COL21A1: variants seen among roughly 807,000 people sequenced by gnomAD.
The protein encoded by COL21A1 is collagen alpha-1(XXI) chain.
A neutral mutation model predicts 137.9 loss-of-function variants in COL21A1; 149 were observed. That is an observed-to-expected ratio of 1.08 (90% CI 0.95 to 1.24). COL21A1 has a LOEUF of 1.24. COL21A1 is among the 50% of genes most tolerant of loss of function. The probability of loss-of-function intolerance (pLI) is 0.00; values close to 1 mark genes in which losing one functional copy is unlikely to be tolerated. For missense variants in COL21A1, 1,167 were observed against 1,158.4 expected (o/e 1.01, Z -0.11); for synonymous variants, 456 against 391.5 (o/e 1.16, Z -1.95).
At chr6:56,103,699 A>C (rs973669032) in intron 16 of COL21A1, among the ~76,000 whole-genome samples, 1 of 152,178 alleles carries the variant, frequency 6.6e-6, no homozygotes, top group African/African-American at 2.4e-5. Context: ...TGTTCTTCTT[A>C]CTTTATATTA....
chr6:56,385,286 C>G (rs201480449), intron 1 of COL21A1, among the ~76,000 whole-genome samples: 2 of 152,300 alleles, frequency 1.3e-5, no homozygotes, highest in East Asian at 3.9e-4. Flanking sequence ...TAAACAACAT[C>G]AACTTATCTC....
chr6:56,204,557 C>G (rs1343338539), intron 1 of COL21A1, among the ~76,000 whole-genome samples: 1 of 152,164 alleles, frequency 6.6e-6, no homozygotes, highest in Non-Finnish European at 1.5e-5. Context: ...GGTGCAGCTT[C>G]AACATACGTA....
intron 1 of COL21A1, among the ~76,000 whole-genome samples, chr6:56,260,239 G>A (rs1293844010): frequency 3.9e-5 from 6 of 152,018 alleles, no homozygotes; most frequent in Non-Finnish European, 7.4e-5. Flanking sequence ...GAAAGGCTTG[G>A]ATAAAAATAA....
chr6:56,273,260 T>C (rs982076847), intron 1 of COL21A1, among the ~76,000 whole-genome samples: 15 of 152,204 alleles, frequency 9.9e-5, no homozygotes, highest in African/African-American at 3.6e-4. Context: ...AACTTCATAG[T>C]GCTAAACACC....
intron 1 of COL21A1, among the ~76,000 whole-genome samples, chr6:56,329,121 T>C (rs1389781541): frequency 6.6e-6 from 1 of 152,192 alleles, no homozygotes; most frequent in Non-Finnish European, 1.5e-5. Flanking sequence ...ATTTACAAAT[T>C]GCTTTAAACG....
chr6:56,153,428 T>C (rs1335420295), intron 10 of COL21A1, among the ~76,000 whole-genome samples: 1 of 152,180 alleles, frequency 6.6e-6, no homozygotes, highest in Non-Finnish European at 1.5e-5. Flanking sequence ...TTTCATTTTT[T>C]TCTTTTGCCT....
intron 1 of COL21A1, among the ~76,000 whole-genome samples, chr6:56,222,429 T>C (rs1780894559): frequency 6.6e-6 from 1 of 152,174 alleles, no homozygotes; most frequent in African/African-American, 2.4e-5. Context: ...AGTTTCTCCA[T>C]CCATTCATCT....
At chr6:56,092,964 G>A (rs1444653550) in intron 17 of COL21A1, among the ~76,000 whole-genome samples, 1 of 152,066 alleles carries the variant, frequency 6.6e-6, no homozygotes, top group South Asian at 2.1e-4. Context: ...TCTTTGGCTT[G>A]TGGATACATC....
intron 16 of COL21A1, among the ~76,000 whole-genome samples, chr6:56,108,404 G>C (rs183522105): frequency 2.4e-4 from 37 of 152,038 alleles, no homozygotes; most frequent in African/African-American, 8.9e-4. Context: ...CTAGACAATA[G>C]AAGGATGGGC....
chr6:56,102,293 G>A (rs1372924647), intron 16 of COL21A1, among the ~76,000 whole-genome samples: 1 of 152,138 alleles, frequency 6.6e-6, no homozygotes, highest in South Asian at 2.1e-4. Flanking sequence ...CAAAATAAAG[G>A]ATAGCAAGGA....
At chr6:56,389,275 C>T (rs887087114) in intron 1 of COL21A1, among the ~76,000 whole-genome samples, 8 of 152,012 alleles carry the variant, frequency 5.3e-5, no homozygotes, top group Non-Finnish European at 1.0e-4. Flanking sequence ...GACAGAATTA[C>T]TTGAACGTGG....
chr6:56,390,698 G>GA (rs921369958), intron 1 of COL21A1, among the ~76,000 whole-genome samples: 5 of 150,602 alleles, frequency 3.3e-5, no homozygotes, highest in South Asian at 4.2e-4. Context: ...CAAAAACTGT[G>GA]AAAAAAAAGA....
In COL21A1 at chr6:56,202,011, A is replaced by G. The variant is rs115324095; in HGVS notation, c.-38-19355T>C. ...CTTGAAGTATAAGAACAGAATAATA[A>G]TCCATTTCCAATTGAAAAAGTTCAG... On this transcript the variant is annotated intron_variant, in intron 1 of 29. Transcript: ENST00000244728. Among the ~76,000 whole-genome samples the G allele has an allele frequency of 8.2e-3, 1,251 of 152,242 alleles. 21 individuals carry two copies. The highest frequency in any genetic ancestry group is 0.029 in the African/African-American group (1,206 of 41,560).
intron 12 of COL21A1, among the ~76,000 whole-genome samples, chr6:56,129,699 T>TGTGTGTGTGTGTGTGTGA (rs1450514214): frequency 4.2e-5 from 5 of 120,440 alleles, no homozygotes; most frequent in Admixed American, 3.5e-4. Context: ...TGTGTGTGTG[T>TGTGTGTGTGTGTGTGTGA]GAGAGAGAGA....
At chr6:56,388,366 C>T (rs1010591951) in intron 1 of COL21A1, among the ~76,000 whole-genome samples, 3 of 152,220 alleles carry the variant, frequency 2.0e-5, no homozygotes, top group Admixed American at 1.3e-4. Context: ...GGAGTGCTTA[C>T]ATCCCCTCTG....
chr6:56,295,223 T>G (rs1015240984), intron 1 of COL21A1, among the ~76,000 whole-genome samples: 85 of 152,184 alleles, frequency 5.6e-4, no homozygotes, highest in African/African-American at 1.9e-3. Flanking sequence ...TCTATTGAAT[T>G]GCCTTTGTCC....
intron 1 of COL21A1, among the ~76,000 whole-genome samples, chr6:56,270,437 G>T (rs1050227878): frequency 1.3e-5 from 2 of 152,206 alleles, no homozygotes; most frequent in Admixed American, 1.3e-4. Flanking sequence ...CTTGACTGAT[G>T]AAAAGGCTTA....
intron 10 of COL21A1, among the ~76,000 whole-genome samples, chr6:56,150,391 G>A (rs577331131): frequency 2.6e-5 from 4 of 152,226 alleles, no homozygotes; most frequent in South Asian, 4.2e-4. Context: ...GGTGGCGGGC[G>A]CTTGTAGTCC....
intron 1 of COL21A1, among the ~76,000 whole-genome samples, chr6:56,333,583 C>T (rs1765278174): frequency 6.6e-6 from 1 of 152,062 alleles, no homozygotes; most frequent in South Asian, 2.1e-4. Context: ...AATAAAGCTG[C>T]TATGAACATT....
Sources: gnomAD v4.1 joint callset for allele counts (sites outside exome capture counted in the v4.1 genomes callset) on GRCh38, gnomAD v4.1.1 for gene constraint, MANE v1.5 for transcripts, NCBI Gene and HGNC (gene_info 2026-07-23, HGNC 2026-07-21) for gene names.